TSHZ1: variants seen among roughly 807,000 people sequenced by gnomAD.
TSHZ1 encodes teashirt zinc finger homeobox 1, also known as teashirt homolog 1.
Under a neutral mutation model 67.1 loss-of-function variants are expected in TSHZ1, and 12 were observed. That is an observed-to-expected ratio of 0.18 (90% CI 0.11 to 0.29). The LOEUF is 0.29. Among genes scored for constraint, TSHZ1 ranks in the 10% least tolerant of loss-of-function variants. TSHZ1 has a pLI of 1.00. For missense variants in TSHZ1, 1,305 were observed against 1,413.9 expected (o/e 0.92, Z 1.23); for synonymous variants, 632 against 622.4 (o/e 1.02, Z -0.23).
intron 1 of TSHZ1, among the ~76,000 whole-genome samples, chr18:75,257,075 C>G (rs1015242606): frequency 1.3e-5 from 2 of 152,196 alleles, no homozygotes; most frequent in Non-Finnish European, 2.9e-5. Context: ...ACACCCTACT[C>G]TATCTGCATC....
rs775858487 is a variant in TSHZ1, at chr18:75,287,577, A to C, written c.2170A>C (p.Thr724Pro). The C allele has an allele frequency of 6.2e-7, 1 of 1,614,220 alleles. No homozygotes were observed. The highest frequency in any genetic ancestry group is 1.7e-5 in the Admixed American group (1 of 60,038). Residue 724 changes from threonine to proline, a missense_variant, in exon 2 of 2, where the codon ACC becomes CCC. Physicochemically the swap from Thr to Pro is conservative, Grantham distance 38. Around this residue, in one of 3 missense-constraint regions of TSHZ1, gnomAD observed 909 missense variants for 961.8 expected, o/e 0.95. Transcript: ENST00000580243. This position sits in a 1 kb window ranked among gnomAD's most constrained non-coding sequence, Gnocchi z 5.0. ...CACAGAGCCTCTCAAAGCAAAGGTC[A>C]CCAACGGCTGTAACAACCTGGGGAT... ...NGTEPLKAKV[T>P]NGCNNLGIIM... is the part of the protein sequence containing the mutation.
At chr18:75,280,447 C>G (rs1029031081) in intron 1 of TSHZ1, among the ~76,000 whole-genome samples, 4 of 152,238 alleles carry the variant, frequency 2.6e-5, no homozygotes, top group Non-Finnish European at 5.9e-5. Context: ...TACAGAGTTA[C>G]TTTTGGTCAT....
chr18:75,287,278 C>T lies in TSHZ1; in HGVS notation c.1871C>T (p.Pro624Leu), dbSNP rs1248182928. ...GAGCACAACGCCCTCCTGCACTCCC[C>T]AGGGAGCCTCACGCCCCCACCGCAC... ...SAEHNALLHS[P>L]GSLTPPPHKS... The change falls in exon 2 of 2, where the codon CCA (proline) becomes CTA (leucine). Residue 624 changes from proline (P) to leucine (L), a missense_variant. Physicochemically the swap from Pro to Leu is moderately conservative, Grantham distance 98 (BLOSUM62 -3). Around this residue, in one of 3 missense-constraint regions of TSHZ1, gnomAD observed 909 missense variants for 961.8 expected, o/e 0.95. Transcript: ENST00000580243. This position sits in a 1 kb window ranked among gnomAD's most constrained non-coding sequence, Gnocchi z 5.0. 2 of 1,614,016 alleles carry T rather than the reference C, an allele frequency of 1.2e-6. No homozygotes were observed. Among genetic ancestry groups the T allele is most frequent in the Admixed American group, 3.3e-5 (2 of 60,026 alleles).
chr18:75,216,283 T>C (rs919421955), intron 1 of TSHZ1, among the ~76,000 whole-genome samples: 1 of 152,222 alleles, frequency 6.6e-6, no homozygotes, highest in African/African-American at 2.4e-5. Flanking sequence ...AATATTATGT[T>C]AATGTATTTA....
chr18:75,232,557 G>C (rs1355916957), intron 1 of TSHZ1, among the ~76,000 whole-genome samples: 2 of 152,190 alleles, frequency 1.3e-5, no homozygotes, highest in Non-Finnish European at 2.9e-5. Flanking sequence ...CTGAGGGTCT[G>C]AAACACGTCC....
chr18:75,245,353 C>G (rs1486004187), intron 1 of TSHZ1: 1 of 152,286 alleles, frequency 6.6e-6, no homozygotes, highest in Admixed American at 6.5e-5. Context: ...TGCAGGCATA[C>G]CTCTTTTTAA....
chr18:75,231,852 A>G (rs1487370803), intron 1 of TSHZ1, among the ~76,000 whole-genome samples: 1 of 151,838 alleles, frequency 6.6e-6, no homozygotes, highest in Non-Finnish European at 1.5e-5. Context: ...CTGCGATTTT[A>G]GATCTTCACA....
At position 75,288,585 on chromosome 18, in the gene TSHZ1, C is replaced by A. The variant is rs1568372386; in HGVS notation, c.3178C>A (p.His1060Asn). 6.2e-7 allele frequency: 1 copy of A among 1,613,022 alleles called. No individual in the cohort carries two copies. Among genetic ancestry groups the A allele is most frequent in the East Asian group, 2.2e-5 (1 of 44,874 alleles). ...HAVKLHLSKT[H>N]GKSPEDHLIY... ...AGTCAAACTGCACCTTAGTAAGACCCACGGCAAGTCTCCCGAGGACCACCT... is the reference window on the plus strand; with the variant it reads ...AGTCAAACTGCACCTTAGTAAGACCAACGGCAAGTCTCCCGAGGACCACCT... The change falls in exon 2 of 2, where the codon CAC becomes AAC. Residue 1060 changes from histidine to asparagine, a missense_variant. His to Asn is a moderately conservative substitution (Grantham distance 68). Coordinates refer to ENST00000580243, the MANE Select transcript of TSHZ1 (RefSeq NM_001308210.2). This position sits in a 1 kb window ranked among gnomAD's most constrained non-coding sequence, Gnocchi z 4.9.
chr18:75,211,958 G>A, intron 1 of TSHZ1, 42 bp downstream of exon 1: 8 of 1,197,564 alleles, frequency 6.7e-6, no homozygotes, highest in Non-Finnish European at 8.3e-6. Context: ...TGGGCGCCGG[G>A]AGGAGCAGGA....
intron 1 of TSHZ1, among the ~76,000 whole-genome samples, chr18:75,256,824 AT>A: frequency 6.6e-6 from 1 of 152,318 alleles, no homozygotes; most frequent in East Asian, 1.9e-4. Context: ...GATGATGTGC[AT>A]TTTACCTGTT....
chr18:75,284,315 A>G (rs958919269), intron 1 of TSHZ1: 2 of 152,620 alleles, frequency 1.3e-5, no homozygotes, highest in African/African-American at 4.8e-5. Context: ...CCTTCAGCCC[A>G]TGAAGTCGCT....
At chr18:75,230,384 G>C (rs2022982393) in intron 1 of TSHZ1, among the ~76,000 whole-genome samples, 1 of 152,158 alleles carries the variant, frequency 6.6e-6, no homozygotes, top group Non-Finnish European at 1.5e-5. Context: ...CTGAGTGCCA[G>C]GAAATACAGG....
At chr18:75,264,438 A>G (rs1423611827) in intron 1 of TSHZ1, among the ~76,000 whole-genome samples, 1 of 151,284 alleles carries the variant, frequency 6.6e-6, no homozygotes, top group African/African-American at 2.4e-5. Context: ...CTTTCTGTTC[A>G]TCAACCTCAT....
chr18:75,224,259 A>G (rs773270311), intron 1 of TSHZ1, among the ~76,000 whole-genome samples: 1 of 152,058 alleles, frequency 6.6e-6, no homozygotes, highest in Non-Finnish European at 1.5e-5. Context: ...TTCTTTAATT[A>G]TTACCTTTGA....
intron 1 of TSHZ1, among the ~76,000 whole-genome samples, chr18:75,237,079 GC>G (rs1465954940): frequency 6.6e-6 from 1 of 152,186 alleles, no homozygotes; most frequent in Non-Finnish European, 1.5e-5. Flanking sequence ...CTTCTGGGTG[GC>G]CGTTAGTGCC....
chr18:75,264,086 T>C (rs185236807), intron 1 of TSHZ1, among the ~76,000 whole-genome samples: 3 of 152,346 alleles, frequency 2.0e-5, no homozygotes, highest in Admixed American at 2.0e-4. Context: ...TGCAGCGTTA[T>C]TTTATAGACT....
intron 1 of TSHZ1, among the ~76,000 whole-genome samples, chr18:75,280,596 T>G (rs2023672697): frequency 1.3e-5 from 2 of 152,344 alleles, no homozygotes; most frequent in South Asian, 4.1e-4. Flanking sequence ...CAAATCATGT[T>G]TCCATCATTT....
At chr18:75,260,221 G>A (rs8094755) in intron 1 of TSHZ1, among the ~76,000 whole-genome samples, 99,629 of 141,190 alleles carry the variant, frequency 0.71, 32,727 homozygotes, top group South Asian at 0.77. Flanking sequence ...AGTCACTAAC[G>A]TGTGAATTCA....
At chr18:75,221,702 T>C (rs949160076) in intron 1 of TSHZ1, among the ~76,000 whole-genome samples, 1 of 152,228 alleles carries the variant, frequency 6.6e-6, no homozygotes, top group Non-Finnish European at 1.5e-5. Context: ...TGTAATACTC[T>C]ATAAGAGCCT....
Sources: allele counts gnomAD v4.1 joint callset (sites outside exome capture counted in the v4.1 genomes callset), GRCh38; gene constraint gnomAD v4.1.1; regional missense constraint gnomAD v4.1.1; non-coding constraint Gnocchi (gnomAD v3.1); transcripts MANE v1.5; gene names NCBI Gene and HGNC (gene_info 2026-07-23, HGNC 2026-07-21).